LRMDA: variants seen among roughly 807,000 people sequenced by gnomAD.
LRMDA encodes leucine-rich melanocyte differentiation-associated protein.
Under a neutral mutation model 29.8 loss-of-function variants are expected in LRMDA, and 18 were observed. The observed-to-expected ratio is 0.60, with a 90% CI of 0.42 to 0.90. The LOEUF (loss-of-function observed/expected upper bound fraction) is 0.90. Ranked by LOEUF, LRMDA falls within the 40% of genes least tolerant of loss-of-function variation. The pLI, the probability that LRMDA is intolerant of heterozygous loss-of-function variation, is 0.00. For missense variants in LRMDA, 273 were observed against 273.9 expected (o/e 1.00, Z 0.02); for synonymous variants, 125 against 109.4 (o/e 1.14, Z -0.89).
intron 2 of LRMDA, among the ~76,000 whole-genome samples, chr10:75,627,745 C>T (rs1182621747): frequency 6.6e-6 from 1 of 152,174 alleles, no homozygotes; most frequent in African/African-American, 2.4e-5. Context: ...GCCCCAGGCA[C>T]CTGCTATGGG....
At chr10:76,269,638 G>C (rs1554860913) in intron 5 of LRMDA, among the ~76,000 whole-genome samples, 1 of 152,066 alleles carries the variant, frequency 6.6e-6, no homozygotes, top group Non-Finnish European at 1.5e-5. Context: ...AAGTTCCCTG[G>C]TCCCTGATAC....
chr10:75,857,570 CAATA>C (rs1450074357), intron 2 of LRMDA, among the ~76,000 whole-genome samples: 1 of 152,112 alleles, frequency 6.6e-6, no homozygotes, highest in Non-Finnish European at 1.5e-5. Flanking sequence ...GCCAGAGGGC[CAATA>C]AATAACTTTG....
At chr10:76,463,402 G>T (rs570995478) in intron 6 of LRMDA, among the ~76,000 whole-genome samples, 3 of 152,178 alleles carry the variant, frequency 2.0e-5, no homozygotes, top group Non-Finnish European at 4.4e-5. Context: ...GAAGTTTATG[G>T]GGTGCTTTGG....
chr10:75,734,624 T>TA (rs779431209), intron 2 of LRMDA, among the ~76,000 whole-genome samples: 36 of 152,348 alleles, frequency 2.4e-4, no homozygotes, highest in Middle Eastern at 3.4e-3. Flanking sequence ...CTGTGAATGT[T>TA]TATTGAGTAC....
Position 76,263,605 on chromosome 10 carries a change from G to A in LRMDA, c.517-60796G>A, listed in dbSNP as rs538070334. 2.6e-5 allele frequency among the ~76,000 whole-genome samples: 4 copies of A among 152,294 alleles called. No individual in the cohort carries two copies. The East Asian group carries it at 7.7e-4, about 29-fold the overall frequency. On this transcript the variant is annotated intron_variant, in intron 5 of 6. Transcript: ENST00000611255. ...CCCCTTGGACTGTAAGCCCAGGCAG[G>A]GATGGGAGCTTGTTCATTCTTGGAT...
At chr10:75,996,858 G>T (rs1024789155) in intron 2 of LRMDA, among the ~76,000 whole-genome samples, 1 of 150,840 alleles carries the variant, frequency 6.6e-6, no homozygotes, top group Non-Finnish European at 1.5e-5. Flanking sequence ...TCAGCCTCCC[G>T]AGTAGCTGAG....
At chr10:76,453,686 TA>T (rs1842428832) in intron 6 of LRMDA, among the ~76,000 whole-genome samples, 2 of 152,212 alleles carry the variant, frequency 1.3e-5, no homozygotes, top group Admixed American at 1.3e-4. Flanking sequence ...CTGTAGACAC[TA>T]AAAAATTTAT....
chr10:76,085,654 T>C (rs1358345614), intron 5 of LRMDA, among the ~76,000 whole-genome samples: 1 of 152,162 alleles, frequency 6.6e-6, no homozygotes, highest in African/African-American at 2.4e-5. Flanking sequence ...CTTTCCTGTC[T>C]CCCAGCGTCT....
chr10:76,449,467 G>A (rs189223823), intron 6 of LRMDA, among the ~76,000 whole-genome samples: 38 of 151,740 alleles, frequency 2.5e-4, no homozygotes, highest in Admixed American at 4.6e-4. Context: ...AGACTTTCTC[G>A]TATACTATTG....
chr10:76,554,555 A>G (rs1843531315), intron 6 of LRMDA, among the ~76,000 whole-genome samples: 1 of 152,202 alleles, frequency 6.6e-6, no homozygotes, highest in South Asian at 2.1e-4. Context: ...AGTCTCCTGC[A>G]TTCATCAAAC....
chr10:75,947,855 C>T (rs1459796338), intron 2 of LRMDA, among the ~76,000 whole-genome samples: 1 of 152,138 alleles, frequency 6.6e-6, no homozygotes, highest in African/African-American at 2.4e-5. Context: ...TTCTGCCTGT[C>T]TCTTCTGAAT....
intron 5 of LRMDA, among the ~76,000 whole-genome samples, chr10:76,154,673 C>T (rs982577553): frequency 1.3e-5 from 2 of 152,198 alleles, no homozygotes; most frequent in African/African-American, 2.4e-5. Context: ...ATCTGCATTA[C>T]AGTTCCTGGC....
chr10:76,362,220 T>C (rs558271070), intron 6 of LRMDA, among the ~76,000 whole-genome samples: 1 of 152,330 alleles, frequency 6.6e-6, no homozygotes, highest in South Asian at 2.1e-4. Context: ...TCTCAATTCC[T>C]TTAGCTGACA....
At chr10:75,772,950 T>C (rs1554824999) in intron 2 of LRMDA, among the ~76,000 whole-genome samples, 1 of 151,982 alleles carries the variant, frequency 6.6e-6, no homozygotes, top group Non-Finnish European at 1.5e-5. Flanking sequence ...GTGTACACCT[T>C]CTGAAAGTGA....
At chr10:76,278,496 G>A (rs761535261) in intron 5 of LRMDA, among the ~76,000 whole-genome samples, 4 of 152,070 alleles carry the variant, frequency 2.6e-5, no homozygotes, top group African/African-American at 4.8e-5. Context: ...GGCGTTCCTC[G>A]CTTCTGCTTT....
chr10:76,377,667 T>C (rs1193761995), intron 6 of LRMDA, among the ~76,000 whole-genome samples: 3 of 152,226 alleles, frequency 2.0e-5, no homozygotes, highest in Non-Finnish European at 4.4e-5. Flanking sequence ...TTGTCAACTT[T>C]GTTGGAGATC....
rs541198028 is a variant in LRMDA at position 76,315,454 on chromosome 10, C to T, written c.517-8947C>T. ...GCTCCTGCTCCCGGGCCTCTCCCTG[C>T]TCCCGGTGCCCACTCCAGTGCAGAG... On this transcript the variant is annotated intron_variant, in intron 5 of 6. Coordinates refer to ENST00000611255, the MANE Select transcript of LRMDA (RefSeq NM_001305581.2). Among the ~76,000 whole-genome samples the T allele has an allele frequency of 8.4e-4, 128 of 152,350 alleles. 1 individual carries two copies. Among genetic ancestry groups the T allele is most frequent in the African/African-American group, 3.0e-3 (126 of 41,596 alleles).
chr10:75,617,966 A>G (rs1472988149), intron 2 of LRMDA, among the ~76,000 whole-genome samples: 2 of 152,196 alleles, frequency 1.3e-5, no homozygotes, highest in Non-Finnish European at 2.9e-5. Flanking sequence ...GAACTTTGAG[A>G]ATAAACATCT....
rs186725357 is a variant in LRMDA, at chr10:76,228,109, C to T, written c.517-96292C>T. On this transcript the variant is annotated intron_variant, in intron 5 of 6. Transcript: ENST00000611255. ...TGATCTTTGCTCACTGCAACGTCCG[C>T]CTCCCGGGTTCAAGTGATTCTCCTG... Among the ~76,000 whole-genome samples, 960 of 151,874 alleles carry T rather than the reference C, an allele frequency of 6.3e-3. 17 individuals are homozygous for T. Among genetic ancestry groups the T allele is most frequent in the African/African-American group, 0.022 (908 of 41,378 alleles).
Sources: gnomAD v4.1 joint callset for allele counts (sites outside exome capture counted in the v4.1 genomes callset) on GRCh38, gnomAD v4.1.1 for gene constraint, MANE v1.5 for transcripts, NCBI Gene and HGNC (gene_info 2026-07-23, HGNC 2026-07-21) for gene names.